Variants in RPAP1 observed in about 807,000 individuals in gnomAD.
RPAP1 encodes RNA polymerase II associated protein 1.
In RPAP1, 109 loss-of-function variants were observed where a neutral mutation model predicts 142.4. That is an observed-to-expected ratio of 0.77 (90% CI 0.66 to 0.90). The LOEUF (loss-of-function observed/expected upper bound fraction) is 0.90. Among genes scored for constraint, RPAP1 ranks in the 40% least tolerant of loss-of-function variants. The probability of loss-of-function intolerance (pLI) is 0.00; values close to 1 mark genes in which losing one functional copy is unlikely to be tolerated. For synonymous variants in RPAP1, 704 were observed against 738.9 expected (o/e 0.95, Z 0.77); for missense variants, 1,546 against 1,751.7 (o/e 0.88, Z 2.10).
rs1190360181 is a variant in RPAP1, at chr15:41,524,241, C to T, written c.2089G>A (p.Val697Met). The T allele has an allele frequency of 7.2e-6, 11 of 1,529,138 alleles. No individual in the cohort carries two copies. The highest frequency in any genetic ancestry group is 2.2e-5 in the Admixed American group (1 of 46,128). 94.7% of individuals were successfully genotyped at this position (1,529,138 alleles called of 1,614,324 possible). A position where few individuals can be genotyped will look rare whatever the true frequency, so the allele number is the denominator to read the frequency against. Residue 697 changes from valine to methionine, a missense_variant, in exon 16 of 25, where the codon GTG becomes ATG. Val to Met is a conservative substitution (Grantham distance 21). Coordinates refer to ENST00000304330, the MANE Select transcript of RPAP1 (RefSeq NM_015540.4). ...ACCACCTGCAAGGCCCGCATCAGCA[C>T]TGGGTAGAGCTCCCTAGGGAAGAAC... ...GGYLYRELYP[V>M]LMRALQVVPR...
intron 1 of RPAP1, among the ~76,000 whole-genome samples, chr15:41,542,238 G>C (rs1178076711): frequency 6.6e-6 from 1 of 152,174 alleles, no homozygotes; most frequent in Non-Finnish European, 1.5e-5. Context: ...CAGTTTAAAT[G>C]ATGTCTCCAA....
rs376586068 is a variant in RPAP1 at position 41,523,955 on chromosome 15, C to G, written c.2252G>C (p.Ser751Thr). The G allele has an allele frequency of 6.2e-7, 1 of 1,612,662 alleles. No individual in the cohort carries two copies. The change falls in exon 17 of 25, where the codon AGC becomes ACC. Residue 751 changes from serine to threonine, a missense_variant. Physicochemically the swap from Ser to Thr is moderately conservative, Grantham distance 58 (BLOSUM62 1). Transcript: ENST00000304330. Reference sequence around the variant, plus strand: ...GACTAAGGAAGGGGTGGCCGAGAGGCTGGCCTCAGCAGAATCACTACAAAA... The same window carrying G: ...GACTAAGGAAGGGGTGGCCGAGAGGGTGGCCTCAGCAGAATCACTACAAAA... ...AETISDSAEA[S>T]LSATPSLVTW... is the part of the protein sequence containing the mutation.
intron 6 of RPAP1, among the ~76,000 whole-genome samples, chr15:41,533,795 G>A (rs191010909): frequency 5.3e-4 from 80 of 150,404 alleles, no homozygotes; most frequent in African/African-American, 1.9e-3. Flanking sequence ...CAGAGATTGC[G>A]CCATTGCACT....
chr15:41,530,103 G>T, intron 7 of RPAP1, 124 bp from the exon 8 acceptor site: 4 of 735,358 alleles, frequency 5.4e-6, no homozygotes, highest in Middle Eastern at 2.7e-4. Flanking sequence ...TTCTACCCTC[G>T]GTTATGGCTA....
In RPAP1 at chr15:41,518,116, A is replaced by C. The variant is rs774989907; in HGVS notation, c.3862T>G (p.Phe1288Val). Residue 1288 changes from phenylalanine to valine, a missense_variant, in exon 23 of 25, where the codon TTC becomes GTC. Transcript: ENST00000304330. Reference sequence around the variant, plus strand: ...AGCGCACCAGTAACCAGGGTCCGGAAGTAGAGCTGAAGGAGGGCCAGGTTG... The same window carrying C: ...AGCGCACCAGTAACCAGGGTCCGGACGTAGAGCTGAAGGAGGGCCAGGTTG... ...EDNLALLQLY[F>V]RTLVTGALRP... is the part of the protein sequence containing the mutation. 2.5e-6 allele frequency: 4 copies of C among 1,604,344 alleles called. No homozygotes were observed. In the South Asian group the frequency reaches 4.5e-5, roughly 18 times the overall value.
chr15:41,542,350 G>T (rs888882431), intron 1 of RPAP1, among the ~76,000 whole-genome samples: 2 of 152,172 alleles, frequency 1.3e-5, no homozygotes, highest in Admixed American at 1.3e-4. Context: ...TCCCAGTGAT[G>T]AAATTAATTG....
chr15:41,521,386 A>G (rs1210364977), intron 21 of RPAP1, among the ~76,000 whole-genome samples: 2 of 152,278 alleles, frequency 1.3e-5, no homozygotes, highest in Non-Finnish European at 2.9e-5. Context: ...AATAAGGATA[A>G]TAATAGTATC....
chr15:41,529,920 C>G lies in RPAP1; in HGVS notation c.1003G>C (p.Glu335Gln), dbSNP rs557505286. 6 of 1,613,928 alleles carry G rather than the reference C, an allele frequency of 3.7e-6. No homozygotes were observed. In the South Asian group the frequency reaches 6.6e-5, roughly 18 times the overall value. ...EWLHMDTVEL[E>Q]KLHWTQDLPP... ...AAGTCCTGGGTCCAGTGGAGCTTCTCCAGCTCGACAGTGTCCATGTGCAGC... is the reference window on the plus strand; with the variant it reads ...AAGTCCTGGGTCCAGTGGAGCTTCTGCAGCTCGACAGTGTCCATGTGCAGC... The change falls in exon 8 of 25, where the codon GAG becomes CAG. Residue 335 changes from glutamate (E) to glutamine (Q), a missense_variant. Glu to Gln is a conservative substitution (Grantham distance 29, BLOSUM62 2). Around this residue, in one of 3 missense-constraint regions of RPAP1, gnomAD observed 1,333 missense variants for 1,486.6 expected, o/e 0.90. Transcript: ENST00000304330.
chr15:41,532,978 C>CAAA (rs56292925), intron 6 of RPAP1, among the ~76,000 whole-genome samples: 10 of 66,650 alleles, frequency 1.5e-4, no homozygotes, highest in South Asian at 7.3e-4. Context: ...GACTCCGTCT[C>CAAA]AAAAAAAAAA....
At position 41,527,181 on chromosome 15, in the gene RPAP1, C is replaced by A. The variant is rs772799369; in HGVS notation, c.1732G>T (p.Glu578Ter). ...TTTTTTCTCACCCTTGTGGCTGATT[C>A]CAGGGAATGCCGGGCCAGGCGGATG... is the stretch of plus-strand genomic sequence containing the variant. ...VLIRLARHSL[E>*]SATRVLECPR... Residue 578 changes from glutamate to a stop codon, truncating the protein, a stop_gained, in exon 13 of 25, where the codon GAA (glutamate) becomes TAA (stop). Coordinates refer to ENST00000304330, the MANE Select transcript of RPAP1 (RefSeq NM_015540.4). LOFTEE classifies it high-confidence loss of function. 1 of 1,614,066 alleles carries A rather than the reference C, an allele frequency of 6.2e-7. No individual in the cohort carries two copies. The highest frequency in any genetic ancestry group is 1.3e-5 in the African/African-American group (1 of 74,932).
intron 1 of RPAP1, among the ~76,000 whole-genome samples, chr15:41,540,473 G>T (rs1277997241): frequency 6.6e-6 from 1 of 152,020 alleles, no homozygotes; most frequent in African/African-American, 2.4e-5. Context: ...AGCTAATTTT[G>T]TATTTTTAGT....
At chr15:41,523,741 C>T (rs2051757477) in intron 17 of RPAP1, 30 bp downstream of exon 17, 2 of 1,558,252 alleles carry the variant, frequency 1.3e-6, no homozygotes, top group East Asian at 2.4e-5. Flanking sequence ...GGTGCGGGGG[C>T]CTGGTGGACA....
At chr15:41,537,450 G>A (rs2051923240) in intron 1 of RPAP1, among the ~76,000 whole-genome samples, 2 of 152,174 alleles carry the variant, frequency 1.3e-5, no homozygotes. Flanking sequence ...GGAGACCTGA[G>A]GAAAATGTCA....
chr15:41,525,048 T>C lies in RPAP1; in HGVS notation c.2018A>G (p.Glu673Gly). 6.2e-7 allele frequency: 1 copy of C among 1,614,084 alleles called. No homozygotes were observed. The highest frequency in any genetic ancestry group is 8.5e-7 in the Non-Finnish European group (1 of 1,179,976). ...AGCCACAGCCCACAGACGGAGGGCC[T>C]CGGTGCTCAGCATCTCAGCTTCCTC... ...PPEEAEMLSTEALRLWAVAAS... is the reference protein window; with the variant it reads ...PPEEAEMLSTGALRLWAVAAS... The change falls in exon 15 of 25, where the codon GAG (glutamate) becomes GGG (glycine). Residue 673 changes from glutamate (E) to glycine (G), a missense_variant. Glu to Gly is a moderately conservative substitution (Grantham distance 98, BLOSUM62 -2). Coordinates refer to ENST00000304330, the MANE Select transcript of RPAP1 (RefSeq NM_015540.4).
chr15:41,541,607 G>A (rs1384681609), intron 1 of RPAP1, among the ~76,000 whole-genome samples: 1 of 152,114 alleles, frequency 6.6e-6, no homozygotes, highest in Non-Finnish European at 1.5e-5. Context: ...CAGCACTTTG[G>A]GAGGCCAAGG....
At position 41,536,986 on chromosome 15, in the gene RPAP1, C is replaced by A. The variant is rs200748913; in HGVS notation, c.140G>T (p.Arg47Leu). 6.2e-7 allele frequency: 1 copy of A among 1,614,082 alleles called. No individual in the cohort carries two copies. The part of the protein sequence containing the change: ...NRGGGDANSD[R>L]PPLQDHRDVV... ...ATCCCGATGGTCCTGGAGCGGAGGC[C>A]GGTCTGAGTTGGCATCACCACCGCC... Residue 47 changes from arginine to leucine, a missense_variant, in exon 2 of 25, where the codon CGG becomes CTG. By Grantham distance (102) the Arg-to-Leu change is moderately radical. Coordinates refer to ENST00000304330, the MANE Select transcript of RPAP1 (RefSeq NM_015540.4).
rs368971346 is a variant in RPAP1, at chr15:41,522,815, G to A, written c.2692C>T (p.Leu898Phe). Residue 898 changes from leucine to phenylalanine, a missense_variant, in exon 19 of 25, where the codon CTC (leucine) becomes TTC (phenylalanine). Leu to Phe is a conservative substitution (Grantham distance 22). Around this residue, in one of 3 missense-constraint regions of RPAP1, gnomAD observed 1,333 missense variants for 1,486.6 expected, o/e 0.90. Coordinates refer to ENST00000304330, the MANE Select transcript of RPAP1 (RefSeq NM_015540.4). ...TGGGCCAGGGTATTAAGAAGAGAGA[G>A]GAGGGCAGTGAGGAATGGGAAGGGT... Reference protein sequence around the residue: ...ASPFPFLTALLSLLNTLAQIH... With the variant: ...ASPFPFLTALFSLLNTLAQIH... 6 of 1,584,880 alleles carry A rather than the reference G, an allele frequency of 3.8e-6. No individual in the cohort carries two copies. The highest frequency in any genetic ancestry group is 1.7e-4 in the Middle Eastern group (1 of 5,976).
At position 41,517,311 on chromosome 15, in the gene RPAP1, T is replaced by C; in HGVS notation, c.*231A>G. ...TGTCCCCAAAGAGCGGGTAAATAGC[T>C]AAGCCACTCTTCACTCCCAGTACAG... On this transcript the variant is annotated 3_prime_UTR_variant, in exon 25 of 25. Coordinates refer to ENST00000304330, the MANE Select transcript of RPAP1 (RefSeq NM_015540.4). 2.4e-6 allele frequency: 1 copy of C among 415,864 alleles called. No individual in the cohort carries two copies. Among genetic ancestry groups the C allele is most frequent in the Non-Finnish European group, 4.2e-6 (1 of 235,746 alleles). The allele number at this position is 415,864 out of a possible 1,614,324, so 25.8% of individuals were successfully genotyped here.
intron 5 of RPAP1, among the ~76,000 whole-genome samples, chr15:41,535,260 C>T (rs999038927): frequency 6.6e-6 from 1 of 152,222 alleles, no homozygotes; most frequent in Non-Finnish European, 1.5e-5. Context: ...TTGGCCAACA[C>T]ATTTATTTTA....
Sources: allele counts gnomAD v4.1 joint callset (sites outside exome capture counted in the v4.1 genomes callset), GRCh38; gene constraint gnomAD v4.1.1; regional missense constraint gnomAD v4.1.1; transcripts MANE v1.5; gene names NCBI Gene and HGNC (gene_info 2026-07-23, HGNC 2026-07-21).